EIF4G3: variants seen among roughly 807,000 people sequenced by gnomAD.
EIF4G3 encodes the protein eukaryotic translation initiation factor 4 gamma 3, also known as eIF-4-gamma 3.
In EIF4G3, 34 loss-of-function variants were observed where a neutral mutation model predicts 186.4. The ratio of observed to expected loss-of-function variants is 0.18; its 90% CI spans 0.14 to 0.24. The LOEUF (loss-of-function observed/expected upper bound fraction) is 0.24. Among genes scored for constraint, EIF4G3 ranks in the 10% least tolerant of loss-of-function variants. The pLI is 1.00. For synonymous variants in EIF4G3, 673 were observed against 679.5 expected (o/e 0.99, Z 0.15); for missense variants, 1,536 against 1,948.5 (o/e 0.79, Z 3.99).
chr1:20,876,326 G>C (rs1298334123), intron 20 of EIF4G3, among the ~76,000 whole-genome samples: 2 of 147,214 alleles, frequency 1.4e-5, no homozygotes, highest in Non-Finnish European at 3.0e-5. Flanking sequence ...AGAGAGAAGA[G>C]AGATGGTTGA....
chr1:20,917,982 G>A (rs1024150419), intron 14 of EIF4G3, among the ~76,000 whole-genome samples: 2 of 152,074 alleles, frequency 1.3e-5, no homozygotes, highest in Non-Finnish European at 2.9e-5. Context: ...GTACATCTAA[G>A]TAGTGGGATT....
intron 29 of EIF4G3, 177 bp from the exon 30 acceptor site, chr1:20,841,205 G>A: frequency 1.9e-6 from 1 of 522,008 alleles, no homozygotes; most frequent in Non-Finnish European, 3.2e-6. Flanking sequence ...TAAATTACAG[G>A]CTGATATGGG....
chr1:21,042,670 G>A (rs1281138856), intron 4 of EIF4G3, among the ~76,000 whole-genome samples: 1 of 152,140 alleles, frequency 6.6e-6, no homozygotes, highest in Non-Finnish European at 1.5e-5. Flanking sequence ...CCATTTGCCT[G>A]ACTAAACTCA....
chr1:21,096,914 T>C (rs1009232921), intron 2 of EIF4G3, among the ~76,000 whole-genome samples: 3 of 152,192 alleles, frequency 2.0e-5, no homozygotes, highest in Non-Finnish European at 4.4e-5. Flanking sequence ...GCTAGAAGTT[T>C]CAGTGATGGA....
At position 20,810,724 on chromosome 1, in the gene EIF4G3, T is replaced by C; in HGVS notation, c.4744+14A>G. The C allele has an allele frequency of 6.2e-7, 1 of 1,605,800 alleles. No homozygotes were observed. ...CTCATTGGTTAGATTAACTGTAACA[T>C]GAGATAAACTTACTGGCAGGTTGAT... is the stretch of plus-strand genomic sequence containing the variant. On this transcript the variant is annotated intron_variant, in intron 36 of 36. Coordinates refer to ENST00000602326, the MANE Select transcript of EIF4G3 (RefSeq NM_001391906.1). This position sits in a 1 kb window ranked among gnomAD's most constrained non-coding sequence, Gnocchi z 4.1.
chr1:21,163,635 C>T (rs1008219103), intron 2 of EIF4G3, among the ~76,000 whole-genome samples: 11 of 152,186 alleles, frequency 7.2e-5, no homozygotes, highest in Non-Finnish European at 5.9e-5. Context: ...AGTCTTTATC[C>T]AAAACAAATA....
chr1:21,147,759 A>G lies in EIF4G3; in HGVS notation c.-272+28416T>C, dbSNP rs1421641214. 1.3e-5 allele frequency among the ~76,000 whole-genome samples: 2 copies of G among 152,238 alleles called. 1 individual carries two copies. The highest frequency in any genetic ancestry group is 4.8e-5 in the African/African-American group (2 of 41,454). Reference sequence around the variant, plus strand: ...AAAAAAATAAGCCTTACAAGTAATAAAAGAAATACAAACTAAAATCGTCTA... The same window carrying G: ...AAAAAAATAAGCCTTACAAGTAATAGAAGAAATACAAACTAAAATCGTCTA... On this transcript the variant is annotated intron_variant, in intron 2 of 36. Coordinates refer to ENST00000602326, the MANE Select transcript of EIF4G3 (RefSeq NM_001391906.1).
chr1:20,830,075 G>A (rs1463283849), intron 30 of EIF4G3, among the ~76,000 whole-genome samples: 1 of 152,128 alleles, frequency 6.6e-6, no homozygotes, highest in Non-Finnish European at 1.5e-5. Flanking sequence ...TTAACTACAG[G>A]AGACATACAC....
intron 4 of EIF4G3, among the ~76,000 whole-genome samples, chr1:21,015,191 GA>G (rs2088575051): frequency 1.3e-5 from 2 of 151,882 alleles, no homozygotes; most frequent in South Asian, 4.2e-4. Context: ...AAGAATTAGT[GA>G]ACTTAATGAA....
At chr1:20,971,341 A>G (rs1350895450) in intron 11 of EIF4G3, among the ~76,000 whole-genome samples, 1 of 152,216 alleles carries the variant, frequency 6.6e-6, no homozygotes, top group East Asian at 1.9e-4. Flanking sequence ...TAGGTATGGA[A>G]AATTATTTCT....
chr1:21,171,141 G>T (rs983759955), intron 2 of EIF4G3, among the ~76,000 whole-genome samples: 2 of 152,198 alleles, frequency 1.3e-5, no homozygotes, highest in Non-Finnish European at 2.9e-5. Flanking sequence ...GAATTCAGAA[G>T]TCGCTTGGGA....
intron 3 of EIF4G3, among the ~76,000 whole-genome samples, chr1:21,063,578 G>A (rs912516363): frequency 1.3e-5 from 2 of 151,924 alleles, no homozygotes; most frequent in East Asian, 1.9e-4. Flanking sequence ...GACAGAAATC[G>A]GTGGTGCACT....
intron 14 of EIF4G3, among the ~76,000 whole-genome samples, chr1:20,930,829 G>A (rs1213637736): frequency 6.6e-6 from 1 of 152,034 alleles, no homozygotes; most frequent in African/African-American, 2.4e-5. Context: ...GCTTATTAAT[G>A]TTGATATATT....
chr1:21,159,363 C>T (rs1040552201), intron 2 of EIF4G3, among the ~76,000 whole-genome samples: 1 of 151,608 alleles, frequency 6.6e-6, no homozygotes, highest in Non-Finnish European at 1.5e-5. Context: ...TCCCTTGAGT[C>T]CAGGAGTTTG....
chr1:20,926,681 A>AAG (rs1228548166), intron 14 of EIF4G3, among the ~76,000 whole-genome samples: 1 of 47,400 alleles, frequency 2.1e-5, no homozygotes, highest in Non-Finnish European at 6.2e-5. Flanking sequence ...AAAAGAAAAG[A>AAG]AAAAAAAAAA....
intron 3 of EIF4G3, among the ~76,000 whole-genome samples, chr1:21,057,989 G>C (rs1245492068): frequency 2.0e-5 from 3 of 152,124 alleles, no homozygotes; most frequent in Non-Finnish European, 4.4e-5. Flanking sequence ...AGACCATAAA[G>C]ATCATGCAAA....
At chr1:21,035,288 G>C (rs543198658) in intron 4 of EIF4G3, among the ~76,000 whole-genome samples, 1 of 152,226 alleles carries the variant, frequency 6.6e-6, no homozygotes, top group African/African-American at 2.4e-5. Context: ...ACACAGAGAA[G>C]GAGCACAGCT....
chr1:21,102,365 T>C (rs1366577861), intron 2 of EIF4G3, among the ~76,000 whole-genome samples: 1 of 152,172 alleles, frequency 6.6e-6, no homozygotes, highest in Non-Finnish European at 1.5e-5. Context: ...TTTTACCTAA[T>C]AAAACAATTT....
chr1:20,941,362 C>A (rs770954066), intron 14 of EIF4G3, 129 bp downstream of exon 14: 1 of 1,597,570 alleles, frequency 6.3e-7, no homozygotes, highest in Non-Finnish European at 8.5e-7. Context: ...ACTGAAGAAA[C>A]CAGACTAGGA....
Sources: allele counts gnomAD v4.1 joint callset (sites outside exome capture counted in the v4.1 genomes callset), GRCh38; gene constraint gnomAD v4.1.1; non-coding constraint Gnocchi (gnomAD v3.1); transcripts MANE v1.5; gene names NCBI Gene and HGNC (gene_info 2026-07-23, HGNC 2026-07-21).